Variants in CDH1 observed in about 807,000 individuals in gnomAD.
CDH1 encodes the protein cadherin 1, also known as cadherin-1.
A neutral mutation model predicts 84.5 loss-of-function variants in CDH1; 35 were observed. That is an observed-to-expected ratio of 0.41 (90% CI 0.32 to 0.55). CDH1 has a LOEUF of 0.55. CDH1 is among the 20% of genes least tolerant of loss of function. The pLI is 0.19. For synonymous variants in CDH1, 417 were observed against 439.0 expected, an observed-to-expected ratio of 0.95 and a Z score of 0.63; for missense variants, 994 against 1,126.6, an observed-to-expected ratio of 0.88 and a Z score of 1.68.
intron 2 of CDH1, among the ~76,000 whole-genome samples, chr16:68,748,078 TTAATTTTTAAAAA>T (rs144227520): frequency 0.061 from 9,154 of 150,108 alleles, 664 homozygotes; most frequent in African/African-American, 0.18. Flanking sequence ...TTTATTTTTT[TTAATTTTTAAAAA>T]AATTTTTAAA....
chr16:68,811,137 C>T (rs1189345939), intron 6 of CDH1, among the ~76,000 whole-genome samples: 3 of 151,992 alleles, frequency 2.0e-5, no homozygotes, highest in African/African-American at 7.2e-5. Context: ...GTGGTTCACA[C>T]CTGTAACCCC....
chr16:68,811,513 C>T (rs148953523), intron 6 of CDH1, among the ~76,000 whole-genome samples, 171 bp from the exon 7 acceptor site: 2 of 151,606 alleles, frequency 1.3e-5, no homozygotes, highest in East Asian at 3.9e-4. Context: ...ATAGTTTGAG[C>T]TTTCTTTCTC....
rs1060504174 is a variant in CDH1 at position 68,801,740 on chromosome 16, C to T, written c.234C>T (p.Gly78=). Reference sequence around the variant, plus strand: ...CCCTCGACACCCGATTCAAAGTGGGCACAGATGGTGTGATTACAGTCAAAA... The same window carrying T: ...CCCTCGACACCCGATTCAAAGTGGGTACAGATGGTGTGATTACAGTCAAAA... ...YFSLDTRFKV[G]TDGVITVKRP... is the part of the protein sequence containing the mutation. Residue 78 remains glycine, a synonymous_variant, in exon 3 of 16, where the codon GGC becomes GGT. Transcript: ENST00000261769. 1.2e-6 allele frequency: 2 copies of T among 1,614,114 alleles called. No individual in the cohort carries two copies. The highest frequency in any genetic ancestry group is 1.6e-4 in the Middle Eastern group (1 of 6,062).
chr16:68,827,033 G>T (rs535500645), intron 13 of CDH1, among the ~76,000 whole-genome samples: 1 of 152,174 alleles, frequency 6.6e-6, no homozygotes, highest in Non-Finnish European at 1.5e-5. Context: ...CACTTTGGGA[G>T]GCCCAGGTGG....
chr16:68,776,494 A>G (rs1268286625), intron 2 of CDH1, among the ~76,000 whole-genome samples: 7 of 152,182 alleles, frequency 4.6e-5, no homozygotes, highest in Admixed American at 1.3e-4. Flanking sequence ...AAACTGCACT[A>G]TAATATTTTA....
Position 68,801,708 on chromosome 16 carries a change from T to G in CDH1, c.202T>G (p.Tyr68Asp), listed in dbSNP as rs1060501218. The G allele has an allele frequency of 1.2e-6, 2 of 1,614,192 alleles. No individual in the cohort carries two copies. The highest frequency in any genetic ancestry group is 1.7e-6 in the Non-Finnish European group (2 of 1,180,010). The change falls in exon 3 of 16, where the codon TAT becomes GAT. Residue 68 changes from tyrosine (Y) to aspartate (D), a missense_variant. Transcript: ENST00000261769. ...EDCTGRQRTA[Y>D]FSLDTRFKVG... is the part of the protein sequence containing the mutation. ...TTGCACCGGTCGACAAAGGACAGCCTATTTTTCCCTCGACACCCGATTCAA... is the reference window on the plus strand; with the variant it reads ...TTGCACCGGTCGACAAAGGACAGCCGATTTTTCCCTCGACACCCGATTCAA...
chr16:68,793,269 G>T (rs555308414), intron 2 of CDH1, among the ~76,000 whole-genome samples: 5 of 152,324 alleles, frequency 3.3e-5, no homozygotes, highest in Middle Eastern at 6.8e-3. Context: ...TTTGAAACTG[G>T]AGTATAGTGT....
chr16:68,787,906 A>G (rs757717512), intron 2 of CDH1, among the ~76,000 whole-genome samples: 4 of 147,044 alleles, frequency 2.7e-5, no homozygotes, highest in African/African-American at 5.1e-5. Context: ...GCTCACCGCA[A>G]CCTCCGCCTC....
At position 68,829,757 on chromosome 16, in the gene CDH1, G is replaced by A. The variant is rs370345996; in HGVS notation, c.2399G>A (p.Arg800His). Residue 800 changes from arginine to histidine, a missense_variant, in exon 15 of 16, where the codon CGC becomes CAC. By Grantham distance (29) the Arg-to-His change is conservative. Coordinates refer to ENST00000261769, the MANE Select transcript of CDH1 (RefSeq NM_004360.5). ...ATGAGTGTCCCCCGGTATCTTCCCC[G>A]CCCTGCCAATCCCGATGAAATTGGA... ...TLMSVPRYLP[R>H]PANPDEIGNF... is the part of the protein sequence containing the mutation. 1.4e-5 allele frequency: 23 copies of A among 1,613,610 alleles called. No homozygotes were observed. Among genetic ancestry groups the A allele is most frequent in the Admixed American group, 5.0e-5 (3 of 59,960 alleles).
chr16:68,817,208 G>A (rs958019856), intron 10 of CDH1, among the ~76,000 whole-genome samples: 4 of 152,082 alleles, frequency 2.6e-5, no homozygotes, highest in African/African-American at 9.7e-5. Context: ...GTAGATCTCT[G>A]TTAGCCTCCC....
intron 2 of CDH1, among the ~76,000 whole-genome samples, chr16:68,744,850 A>G (rs1402452625): frequency 1.3e-5 from 2 of 152,118 alleles, no homozygotes; most frequent in African/African-American, 4.8e-5. Flanking sequence ...AAAGTCTCCC[A>G]TGTTTTACGT....
Position 68,828,253 on chromosome 16 carries a change from C to A in CDH1, c.2244C>A (p.Thr748=), listed in dbSNP as rs1303187205. The A allele has an allele frequency of 7.4e-6, 12 of 1,613,904 alleles. No individual in the cohort carries two copies. The Admixed American group carries it at 2.0e-4, about 27-fold the overall frequency. ...KEPLLPPEDD[T]RDNVYYYDEE... ...CCTTACTGCCCCCAGAGGATGACAC[C>A]CGGGACAACGTTTATTACTATGATG... is the stretch of plus-strand genomic sequence containing the variant. Residue 748 remains threonine (T), a synonymous_variant, in exon 14 of 16, where the codon ACC becomes ACA. Transcript: ENST00000261769.
intron 2 of CDH1, among the ~76,000 whole-genome samples, chr16:68,745,549 A>AAATATATATATATATATATGT (rs1555510453): frequency 2.7e-4 from 20 of 75,186 alleles, no homozygotes; most frequent in Admixed American, 5.5e-4. Flanking sequence ...AAAAAAAAAA[A>AAATATATATATATATATATGT]ATATATATAT....
intron 2 of CDH1, 146 bp from the exon 3 acceptor site, chr16:68,801,524 G>A: frequency 1.3e-6 from 1 of 748,266 alleles, no homozygotes; most frequent in South Asian, 1.4e-5. Context: ...TATGGTGATA[G>A]CTTTGTTGTT....
chr16:68,772,572 C>G (rs949435944), intron 2 of CDH1, among the ~76,000 whole-genome samples: 6 of 152,282 alleles, frequency 3.9e-5, no homozygotes, highest in African/African-American at 1.4e-4. Flanking sequence ...CTTATATATA[C>G]TTCACTCCAT....
In CDH1 at chr16:68,737,398, C is replaced by T. The variant is rs587780111; in HGVS notation, c.-18C>T. ...ACCGCACCCGGCGCCTGCCCTCGCT[C>T]GGCGTCCCCGGCCAGCCATGGGCCC... On this transcript the variant is annotated 5_prime_UTR_variant, in exon 1 of 16. Coordinates refer to ENST00000261769, the MANE Select transcript of CDH1 (RefSeq NM_004360.5). The T allele has an allele frequency of 3.3e-6, 5 of 1,530,336 alleles. No individual in the cohort carries two copies. The highest frequency in any genetic ancestry group is 4.4e-6 in the Non-Finnish European group (5 of 1,144,670). The allele number at this position is 1,530,336 out of a possible 1,614,324, so 94.8% of individuals were successfully genotyped here.
chr16:68,811,144 C>CCCCA (rs576646286), intron 6 of CDH1, among the ~76,000 whole-genome samples: 48 of 151,230 alleles, frequency 3.2e-4, no homozygotes, highest in African/African-American at 1.1e-3. Flanking sequence ...ACACCTGTAA[C>CCCCA]CCCAGCACTT....
rs57413297 is a variant in CDH1, at chr16:68,758,207, C to CTTTTTTTTTTTTTTT, written c.163+19809_163+19823dup. ...GCCTAGGGTAGGCTTCTTTTTATTTCTTTTTTTTTTTTTTTTTTTTTTTTT... is the reference window on the plus strand; with the variant it reads ...GCCTAGGGTAGGCTTCTTTTTATTTCTTTTTTTTTTTTTTTTTTTTTTTTTTTTTTTTTTTTTTTT... On this transcript the variant is annotated intron_variant, in intron 2 of 15. Transcript: ENST00000261769. 1.0e-4 allele frequency among the ~76,000 whole-genome samples: 4 copies of CTTTTTTTTTTTTTTT among 40,048 alleles called. 1 individual carries two copies. Among genetic ancestry groups the CTTTTTTTTTTTTTTT allele is most frequent in the African/African-American group, 3.1e-4 (3 of 9,552 alleles). 26.3% of individuals were successfully genotyped at this position (40,048 alleles called of 152,430 possible).
chr16:68,823,624 T>C lies in CDH1; in HGVS notation c.2162T>C (p.Leu721Pro). Residue 721 changes from leucine (L) to proline (P), a missense_variant and splice_region_variant, in exon 13 of 16, where the codon CTA becomes CCA. By Grantham distance (98) the Leu-to-Pro change is moderately conservative (BLOSUM62 -3). Coordinates refer to ENST00000261769, the MANE Select transcript of CDH1 (RefSeq NM_004360.5). ...ATTCTTGGAGGAATTCTTGCTTTGCTAAGTAAGTCCAGCTGGCAAGTGACT... is the reference window on the plus strand; with the variant it reads ...ATTCTTGGAGGAATTCTTGCTTTGCCAAGTAAGTCCAGCTGGCAAGTGACT... ...LGILGGILAL[L>P]ILILLLLLFL... 1 of 1,603,414 alleles carries C rather than the reference T, an allele frequency of 6.2e-7. No individual in the cohort carries two copies. Among genetic ancestry groups the C allele is most frequent in the Non-Finnish European group, 8.5e-7 (1 of 1,173,290 alleles).
Sources: gnomAD v4.1 joint callset for allele counts (sites outside exome capture counted in the v4.1 genomes callset) on GRCh38, gnomAD v4.1.1 for gene constraint, MANE v1.5 for transcripts, NCBI Gene and HGNC (gene_info 2026-07-23, HGNC 2026-07-21) for gene names.